Variants in ADGRE2 observed in about 807,000 individuals in gnomAD.
The protein encoded by ADGRE2 is CD97 antigen.
In ADGRE2, 83 loss-of-function variants were observed where a neutral mutation model predicts 100.8. The ratio of observed to expected loss-of-function variants is 0.82; its 90% confidence interval spans 0.69 to 0.99. The LOEUF (loss-of-function observed/expected upper bound fraction) is 0.99, where lower values mean the gene tolerates loss of function less well. Among genes scored for constraint, ADGRE2 ranks in the 50% least tolerant of loss-of-function variants. The probability of loss-of-function intolerance (pLI) is 0.00; values close to 1 mark genes in which losing one functional copy is unlikely to be tolerated. For synonymous variants in ADGRE2, 355 were observed against 413.0 expected, an observed-to-expected ratio of 0.86 and a Z score of 1.70; for missense variants, 814 against 1,035.7, an observed-to-expected ratio of 0.79 and a Z score of 2.94.
chr19:14,754,485 A>G (rs912200374), intron 14 of ADGRE2, among the ~76,000 whole-genome samples: 1 of 142,856 alleles, frequency 7.0e-6, no homozygotes, highest in African/African-American at 2.6e-5. Context: ...CTATCTATCT[A>G]TCTATTCCAT....
At chr19:14,765,919 C>T (rs973043904) in intron 7 of ADGRE2, 115 bp from the exon 8 acceptor site, 66 of 1,572,294 alleles carry the variant, frequency 4.2e-5, no homozygotes, top group African/African-American at 1.4e-4. Context: ...GAGAGGTGGA[C>T]GCTGGGTTAT....
intron 16 of ADGRE2, among the ~76,000 whole-genome samples, chr19:14,750,869 A>G (rs902728349): frequency 2.0e-5 from 3 of 152,154 alleles, no homozygotes; most frequent in African/African-American, 7.2e-5. Flanking sequence ...GCTGGAGTGC[A>G]GTGGTGCAAT....
chr19:14,744,707 G>A (rs1002190922), intron 18 of ADGRE2, among the ~76,000 whole-genome samples: 7 of 151,784 alleles, frequency 4.6e-5, no homozygotes, highest in African/African-American at 7.3e-5. Context: ...CGCCTACCTC[G>A]GCCTCCCAAA....
chr19:14,726,603 G>A, the ADGRE2 span, among the ~76,000 whole-genome samples: 5 of 152,204 alleles, frequency 3.3e-5, no homozygotes, highest in African/African-American at 1.2e-4. Context: ...GCCTCTCCTT[G>A]AACACTTTGC....
At chr19:14,763,938 CTCCTCCTG>C (rs1470491413) in intron 11 of ADGRE2, among the ~76,000 whole-genome samples, 1 of 145,458 alleles carries the variant, frequency 6.9e-6, no homozygotes, top group Non-Finnish European at 1.5e-5. Context: ...CTCCCCTCCT[CTCCTCCTG>C]TCCTCCTCCT....
At chr19:14,737,601 C>G (rs912088629) in intron 20 of ADGRE2, among the ~76,000 whole-genome samples, 1 of 152,016 alleles carries the variant, frequency 6.6e-6, no homozygotes, top group East Asian at 1.9e-4. Context: ...TCTCAGAAGC[C>G]CCATCTTTGT....
downstream of ADGRE2, among the ~76,000 whole-genome samples, chr19:14,729,703 G>A (rs888948441): frequency 6.6e-6 from 1 of 152,122 alleles, no homozygotes; most frequent in African/African-American, 2.4e-5. Flanking sequence ...ATCAATTGTA[G>A]AGCATGGTGA....
chr19:14,767,532 C>T (rs2044037831), intron 5 of ADGRE2, among the ~76,000 whole-genome samples: 2 of 152,178 alleles, frequency 1.3e-5, no homozygotes, highest in Non-Finnish European at 2.9e-5. Flanking sequence ...AGCCACCATG[C>T]CTGGCCATCT....
chr19:14,757,997 G>C (rs2043561467), intron 11 of ADGRE2, among the ~76,000 whole-genome samples: 1 of 152,096 alleles, frequency 6.6e-6, no homozygotes, highest in African/African-American at 2.4e-5. Flanking sequence ...TTTTAGTAAG[G>C]ACAGGGTTTC....
At chr19:14,739,802 A>G (rs2042872395) in intron 20 of ADGRE2, among the ~76,000 whole-genome samples, 2 of 152,108 alleles carry the variant, frequency 1.3e-5, no homozygotes, top group Admixed American at 1.3e-4. Flanking sequence ...GCTGTAGGAG[A>G]GTCAAAGACA....
intron 17 of ADGRE2, 134 bp downstream of exon 17, chr19:14,746,762 A>G (rs779557554): frequency 1.2e-4 from 86 of 706,966 alleles, no homozygotes; most frequent in Non-Finnish European, 2.0e-4. Flanking sequence ...TGAAGATTCA[A>G]GAGTGGTCTT....
chr19:14,769,697 C>T (rs771531025), intron 5 of ADGRE2, among the ~76,000 whole-genome samples: 1 of 152,050 alleles, frequency 6.6e-6, no homozygotes, highest in African/African-American at 2.4e-5. Flanking sequence ...CTCTTCTCTC[C>T]TTTTCTTTTC....
chr19:14,754,473 A>G (rs925120057), intron 14 of ADGRE2, among the ~76,000 whole-genome samples: 12 of 150,334 alleles, frequency 8.0e-5, no homozygotes, highest in African/African-American at 2.5e-4. Flanking sequence ...CTATCTATCT[A>G]TCTATCTATC....
In ADGRE2 at chr19:14,755,174, C is replaced by T. The variant is rs766771518; in HGVS notation, c.1417-47G>A. ...GTGGGCTGGGCATGGTGGCTCACGC[C>T]TGTAATCCCAGCACTTTGGGAGGCT... is the stretch of plus-strand genomic sequence containing the variant. On this transcript the variant is annotated intron_variant, in intron 13 of 20. Transcript: ENST00000315576. 4 of 1,587,102 alleles carry T rather than the reference C, an allele frequency of 2.5e-6. No individual in the cohort carries two copies. In the East Asian group the frequency reaches 6.8e-5, roughly 27 times the overall value.
In ADGRE2 at chr19:14,766,284, C is replaced by A; in HGVS notation, c.585G>T (p.Trp195Cys). The A allele has an allele frequency of 6.2e-7, 1 of 1,614,070 alleles. No homozygotes were observed. The highest frequency in any genetic ancestry group is 1.7e-5 in the Admixed American group (1 of 60,008). ...CATTGGGGGACCCCGGAATCGGTTG[C>A]CAGCCCGGGCGGCAGCGGCACTGAT... ...GSYQCRCRPGWQPIPGSPNGP... is the reference protein window; with the variant it reads ...GSYQCRCRPGCQPIPGSPNGP... The change falls in exon 7 of 21, where the codon TGG (tryptophan) becomes TGT (cysteine). Residue 195 changes from tryptophan (W) to cysteine (C), a missense_variant. Around this residue, in one of 5 missense-constraint regions of ADGRE2, gnomAD observed 69 missense variants for 75.3 expected, o/e 0.92. Transcript: ENST00000315576.
At chr19:14,757,593 A>G (rs950581024) in intron 11 of ADGRE2, among the ~76,000 whole-genome samples, 41 of 152,324 alleles carry the variant, frequency 2.7e-4, no homozygotes, top group African/African-American at 9.4e-4. Context: ...TGCCAAGACT[A>G]TACAATGGGG....
the ADGRE2 span, among the ~76,000 whole-genome samples, chr19:14,724,488 G>A: frequency 1.2e-3 from 189 of 152,302 alleles, no homozygotes; most frequent in African/African-American, 3.6e-3. Flanking sequence ...TGTTTAAGCC[G>A]GGCGCAGTGG....
chr19:14,771,641 T>TTTATTTATTTAC (rs1455948830), intron 5 of ADGRE2, among the ~76,000 whole-genome samples: 2 of 150,832 alleles, frequency 1.3e-5, no homozygotes, highest in African/African-American at 4.9e-5. Context: ...TATTTATTTA[T>TTTATTTATTTAC]TTATTTATTT....
Position 14,773,987 on chromosome 19 carries a change from C to T in ADGRE2, c.150G>A (p.Gly50=). The change falls in exon 4 of 21, where the codon GGG becomes GGA. Residue 50 remains glycine (G), a synonymous_variant. Transcript: ENST00000315576. ...VNATACRCNP[G]FSSFSEIITT... ...TGATGATCTCAGAAAAAGAGCTGAA[C>T]CCTGGATTGCAGCGACAGGCGGTGG... 1 of 1,614,074 alleles carries T rather than the reference C, an allele frequency of 6.2e-7. No individual in the cohort carries two copies. Among genetic ancestry groups the T allele is most frequent in the Non-Finnish European group, 8.5e-7 (1 of 1,180,014 alleles).
Sources: gnomAD v4.1 joint callset for allele counts (sites outside exome capture counted in the v4.1 genomes callset) on GRCh38, gnomAD v4.1.1 for gene constraint, gnomAD v4.1.1 regional missense constraint, MANE v1.5 for transcripts, NCBI Gene and HGNC (gene_info 2026-07-23, HGNC 2026-07-21) for gene names.